Variants in CAPRIN1 observed in about 807,000 individuals in gnomAD.
The protein encoded by CAPRIN1 is cell cycle associated protein 1, also known as caprin-1.
Under a neutral mutation model 100.9 loss-of-function variants are expected in CAPRIN1, and 29 were observed. That is an observed-to-expected ratio of 0.29 (90% CI 0.21 to 0.39). The LOEUF (loss-of-function observed/expected upper bound fraction) is 0.39, where lower values mean the gene tolerates loss of function less well. Ranked by LOEUF, CAPRIN1 falls within the 10% of genes least tolerant of loss-of-function variation. The pLI, the probability that CAPRIN1 is intolerant of heterozygous loss-of-function variation, is 1.00. For missense variants in CAPRIN1, 795 were observed against 876.7 expected (o/e 0.91, Z 1.18); for synonymous variants, 338 against 307.5 (o/e 1.10, Z -1.04).
intron 18 of CAPRIN1, chr11:34,098,252 A>C: frequency 2.0e-6 from 2 of 985,958 alleles, no homozygotes; most frequent in Non-Finnish European, 2.4e-6. Flanking sequence ...AACTAATGGA[A>C]TTTGCAATGC....
At chr11:34,062,413 C>T (rs1220194022) in intron 2 of CAPRIN1, among the ~76,000 whole-genome samples, 1 of 152,056 alleles carries the variant, frequency 6.6e-6, no homozygotes, top group African/African-American at 2.4e-5. Flanking sequence ...ATCACGAGGT[C>T]AGGAGATCAA....
At chr11:34,084,342 C>A (rs1180562226) in intron 9 of CAPRIN1, among the ~76,000 whole-genome samples, 1 of 152,086 alleles carries the variant, frequency 6.6e-6, no homozygotes, top group East Asian at 1.9e-4. Flanking sequence ...TAGGCACTTA[C>A]CCCAGAAAGG....
At chr11:34,095,031 C>T (rs1399204157) in intron 15 of CAPRIN1, among the ~76,000 whole-genome samples, 2 of 152,056 alleles carry the variant, frequency 1.3e-5, no homozygotes, top group African/African-American at 2.4e-5. Context: ...CACAGGCATG[C>T]ACCACCATGC....
chr11:34,087,177 C>T (rs776132381), intron 11 of CAPRIN1, among the ~76,000 whole-genome samples: 6 of 151,784 alleles, frequency 4.0e-5, no homozygotes, highest in Non-Finnish European at 7.4e-5. Flanking sequence ...TTTAGTTGCA[C>T]AAAAGTGGAA....
chr11:34,073,608 G>A (rs2134106909), intron 4 of CAPRIN1, among the ~76,000 whole-genome samples: 1 of 152,142 alleles, frequency 6.6e-6, no homozygotes, highest in South Asian at 2.1e-4. Flanking sequence ...ATTTTTAGTA[G>A]GGATGGGGTT....
At chr11:34,054,508 A>G (rs974747090) in intron 2 of CAPRIN1, among the ~76,000 whole-genome samples, 1 of 151,596 alleles carries the variant, frequency 6.6e-6, no homozygotes, top group Non-Finnish European at 1.5e-5. Flanking sequence ...GCTCACTGCA[A>G]CCTCCACCTC....
intron 2 of CAPRIN1, among the ~76,000 whole-genome samples, chr11:34,056,287 T>C (rs1850449503): frequency 1.3e-5 from 2 of 150,286 alleles, no homozygotes; most frequent in South Asian, 4.2e-4. Flanking sequence ...TATGGATATG[T>C]AGTATTGCTT....
chr11:34,055,312 C>T (rs766483911), intron 2 of CAPRIN1, among the ~76,000 whole-genome samples: 6 of 151,736 alleles, frequency 4.0e-5, no homozygotes, highest in Admixed American at 1.3e-4. Context: ...TACAAGTGTG[C>T]GCCACCACCC....
At chr11:34,052,329 G>C (rs1850334505) in intron 1 of CAPRIN1, 92 bp from the exon 2 acceptor site, 2 of 1,053,316 alleles carry the variant, frequency 1.9e-6, no homozygotes, top group Non-Finnish European at 2.8e-6. Context: ...CGCTCGCTGC[G>C]CGTTTTGTCC....
At chr11:34,057,350 C>T (rs958871704) in intron 2 of CAPRIN1, among the ~76,000 whole-genome samples, 2 of 152,124 alleles carry the variant, frequency 1.3e-5, no homozygotes, top group Admixed American at 1.3e-4. Context: ...GTGAATTCCC[C>T]CAAGTGATAA....
rs578253582 is a variant in CAPRIN1 at position 34,082,610 on chromosome 11, C to A, written c.827-215C>A. 3.9e-5 allele frequency among the ~76,000 whole-genome samples: 6 copies of A among 152,334 alleles called. No homozygotes were observed. The South Asian group carries it at 1.2e-3, about 32-fold the overall frequency. ...TCCCTCATTGTCAGCATCCCCCCAACCAGAGTGGTACATTTGTTAACAATG... is the reference window on the plus strand; with the variant it reads ...TCCCTCATTGTCAGCATCCCCCCAAACAGAGTGGTACATTTGTTAACAATG... On this transcript the variant is annotated intron_variant, in intron 7 of 18. Coordinates refer to ENST00000341394, the MANE Select transcript of CAPRIN1 (RefSeq NM_005898.5).
At chr11:34,057,683 C>G (rs1454037345) in intron 2 of CAPRIN1, among the ~76,000 whole-genome samples, 3 of 152,042 alleles carry the variant, frequency 2.0e-5, no homozygotes, top group Non-Finnish European at 4.4e-5. Context: ...TAGCTATAAT[C>G]TTACACTGTT....
At chr11:34,093,473 G>A (rs1851303482) in intron 15 of CAPRIN1, among the ~76,000 whole-genome samples, 1 of 152,082 alleles carries the variant, frequency 6.6e-6, no homozygotes, top group Non-Finnish European at 1.5e-5. Flanking sequence ...AGCAGTCAGA[G>A]GAGTTAATAC....
chr11:34,088,368 A>AT (rs1293003654), intron 11 of CAPRIN1, among the ~76,000 whole-genome samples: 1 of 152,150 alleles, frequency 6.6e-6, no homozygotes, highest in Non-Finnish European at 1.5e-5. Context: ...TGGTTATGTT[A>AT]ACATATATTG....
intron 4 of CAPRIN1, among the ~76,000 whole-genome samples, chr11:34,074,121 G>T (rs61880383): frequency 6.6e-6 from 1 of 152,134 alleles, no homozygotes; most frequent in African/African-American, 2.4e-5. Context: ...ATTTTAGGGG[G>T]ATGCATTCAG....
chr11:34,074,042 T>C (rs1850856649), intron 4 of CAPRIN1, among the ~76,000 whole-genome samples: 1 of 152,136 alleles, frequency 6.6e-6, no homozygotes, highest in Non-Finnish European at 1.5e-5. Context: ...TAATTCATTC[T>C]AAATAGCTCC....
In CAPRIN1 at chr11:34,096,655, C is replaced by A; in HGVS notation, c.1882C>A (p.Pro628Thr). The change falls in exon 16 of 19, where the codon CCT becomes ACT. Residue 628 changes from proline to threonine, a missense_variant. Pro to Thr is a conservative substitution (Grantham distance 38). Coordinates refer to ENST00000341394, the MANE Select transcript of CAPRIN1 (RefSeq NM_005898.5). ...AGGCTTGATGAATGGATACCGGGGC[C>A]CTGCCAATGGATTCAGAGGTAAAAA... is the stretch of plus-strand genomic sequence containing the variant. ...ARGLMNGYRG[P>T]ANGFRGGYDG... 1 of 1,600,632 alleles carries A rather than the reference C, an allele frequency of 6.2e-7. No homozygotes were observed. Among genetic ancestry groups the A allele is most frequent in the Non-Finnish European group, 8.6e-7 (1 of 1,169,364 alleles).
intron 2 of CAPRIN1, chr11:34,063,257 C>CCT (rs1850619203): frequency 1.3e-5 from 2 of 152,132 alleles, no homozygotes; most frequent in Non-Finnish European, 1.5e-5. Flanking sequence ...ACAGCAGCAG[C>CCT]AGAGGCAGAG....
chr11:34,052,445 G>A lies in CAPRIN1; in HGVS notation c.25G>A (p.Gly9Arg), dbSNP rs1435960186. ...GATGCCCTCGGCCACCAGCCACAGC[G>A]GGAGCGGCAGCAAGTCGTCCGGACC... Reference protein sequence around the residue: MPSATSHSGSGSKSSGPPP... With the variant: MPSATSHSRSGSKSSGPPP... Residue 9 changes from glycine (G) to arginine (R), a missense_variant, in exon 2 of 19, where the codon GGG becomes AGG. Transcript: ENST00000341394. 2 of 1,607,270 alleles carry A rather than the reference G, an allele frequency of 1.2e-6. No homozygotes were observed. The highest frequency in any genetic ancestry group is 1.1e-5 in the South Asian group (1 of 90,870).
Sources: gnomAD v4.1 joint callset for allele counts (sites outside exome capture counted in the v4.1 genomes callset) on GRCh38, gnomAD v4.1.1 for gene constraint, MANE v1.5 for transcripts, NCBI Gene and HGNC (gene_info 2026-07-23, HGNC 2026-07-21) for gene names.